Variants in DPP10 observed in about 807,000 individuals in gnomAD.
The protein encoded by DPP10 is dipeptidyl peptidase like 10, also known as inactive dipeptidyl peptidase 10.
Under a neutral mutation model 120.9 loss-of-function variants are expected in DPP10, and 33 were observed. The ratio of observed to expected loss-of-function variants is 0.27; its 90% confidence interval spans 0.21 to 0.37. DPP10 has a LOEUF of 0.37. DPP10 is among the 10% of genes least tolerant of loss of function. The probability of loss-of-function intolerance (pLI) is 1.00; values close to 1 mark genes in which losing one functional copy is unlikely to be tolerated. For missense variants in DPP10, 816 were observed against 942.8 expected, an observed-to-expected ratio of 0.87 and a Z score of 1.76; for synonymous variants, 337 against 326.1, an observed-to-expected ratio of 1.03 and a Z score of -0.36.
Position 115,734,583 on chromosome 2 carries a change from G to A in DPP10, c.698-5156G>A, listed in dbSNP as rs568562908. 1.0e-3 allele frequency among the ~76,000 whole-genome samples: 148 copies of A among 148,280 alleles called. 1 individual carries two copies. The highest frequency in any genetic ancestry group is 3.4e-3 in the African/African-American group (137 of 40,084). On this transcript the variant is annotated intron_variant, in intron 8 of 25. Transcript: ENST00000410059. ...AGGCAGGAAAATCACTTGAACCCTGGAGGCAGAGGTTGCAGTGAGCCGATA... is the reference window on the plus strand; with the variant it reads ...AGGCAGGAAAATCACTTGAACCCTGAAGGCAGAGGTTGCAGTGAGCCGATA...
At chr2:115,680,987 TTTG>T (rs1245406639) in intron 5 of DPP10, among the ~76,000 whole-genome samples, 8 of 151,952 alleles carry the variant, frequency 5.3e-5, no homozygotes, top group African/African-American at 1.7e-4. Context: ...GTCTAAATGA[TTTG>T]TTGTTGTTGT....
intron 1 of DPP10, among the ~76,000 whole-genome samples, chr2:115,274,683 A>G (rs977981328): frequency 2.6e-5 from 4 of 152,230 alleles, no homozygotes; most frequent in Admixed American, 6.5e-5. Context: ...AACTTTTTAA[A>G]TGAGAAAGTC....
chr2:115,383,438 T>C (rs2066583936), intron 3 of DPP10, among the ~76,000 whole-genome samples: 1 of 152,222 alleles, frequency 6.6e-6, no homozygotes, highest in South Asian at 2.1e-4. Flanking sequence ...CTCTTACTTT[T>C]GTAAATTGCC....
intron 1 of DPP10, among the ~76,000 whole-genome samples, chr2:115,024,446 A>G (rs1312349878): frequency 3.3e-5 from 5 of 151,962 alleles, no homozygotes; most frequent in South Asian, 4.1e-4. Flanking sequence ...CTTATAAACG[A>G]TAACCTTTTC....
chr2:115,177,913 G>A (rs1001785030), intron 1 of DPP10, among the ~76,000 whole-genome samples: 5 of 151,974 alleles, frequency 3.3e-5, no homozygotes, highest in African/African-American at 4.8e-5. Context: ...ACAGGTGCCC[G>A]CCACCACGCC....
At chr2:115,792,323 CAT>C (rs1684077564) in intron 19 of DPP10, among the ~76,000 whole-genome samples, 1 of 152,080 alleles carries the variant, frequency 6.6e-6, no homozygotes, top group African/African-American at 2.4e-5. Flanking sequence ...GTGCCTAACA[CAT>C]ATGATTCTTA....
intron 3 of DPP10, chr2:115,469,028 G>A: frequency 5.0e-6 from 1 of 199,256 alleles, no homozygotes; most frequent in South Asian, 8.5e-5. Flanking sequence ...TGGTGCGATA[G>A]CTGACTACAA....
At chr2:114,502,403 A>G (rs1683275641) in intron 1 of DPP10, among the ~76,000 whole-genome samples, 1 of 152,240 alleles carries the variant, frequency 6.6e-6, no homozygotes, top group African/African-American at 2.4e-5. Flanking sequence ...AGACTAGTTC[A>G]TGAACATATC....
At chr2:115,751,803 GT>G (rs5833628) in intron 10 of DPP10, among the ~76,000 whole-genome samples, 30 of 103,448 alleles carry the variant, frequency 2.9e-4, no homozygotes, top group Admixed American at 1.4e-3. Flanking sequence ...TTTTTTTGTT[GT>G]TTTTTTTTTT....
At chr2:114,606,629 A>C (rs1692828263) in intron 1 of DPP10, among the ~76,000 whole-genome samples, 1 of 152,184 alleles carries the variant, frequency 6.6e-6, no homozygotes, top group Non-Finnish European at 1.5e-5. Context: ...ATGCAATACC[A>C]TCTGGTGCCC....
intron 20 of DPP10, 103 bp from the exon 21 acceptor site, chr2:115,815,572 T>G (rs1687133310): frequency 1.0e-6 from 1 of 997,684 alleles, no homozygotes; most frequent in Non-Finnish European, 1.4e-6. Flanking sequence ...GTAAAGCATT[T>G]CTAGTCATTA....
chr2:114,453,325 C>A (rs1678388256), intron 1 of DPP10, among the ~76,000 whole-genome samples: 1 of 152,162 alleles, frequency 6.6e-6, no homozygotes, highest in African/African-American at 2.4e-5. Context: ...AGCAAAAGGG[C>A]AGGTAGAAAG....
chr2:115,169,286 G>T (rs2053132575), intron 1 of DPP10, among the ~76,000 whole-genome samples: 1 of 152,142 alleles, frequency 6.6e-6, no homozygotes, highest in South Asian at 2.1e-4. Context: ...GCTCAAGCTT[G>T]AAACCTAGTA....
intron 2 of DPP10, among the ~76,000 whole-genome samples, chr2:115,312,535 G>C (rs955229229): frequency 4.6e-5 from 7 of 152,010 alleles, no homozygotes; most frequent in Non-Finnish European, 8.8e-5. Context: ...TTTAACTTTT[G>C]GGGTGAGAAC....
At chr2:115,548,746 A>C (rs546536962) in intron 5 of DPP10, among the ~76,000 whole-genome samples, 1 of 151,864 alleles carries the variant, frequency 6.6e-6, no homozygotes, top group African/African-American at 2.4e-5. Flanking sequence ...ATATAAACAC[A>C]TGTGAAATTT....
intron 1 of DPP10, among the ~76,000 whole-genome samples, chr2:115,098,932 T>C (rs1369601328): frequency 6.6e-6 from 1 of 152,108 alleles, no homozygotes; most frequent in South Asian, 2.1e-4. Flanking sequence ...CCTTACCTGT[T>C]TCTCTTGTCC....
At chr2:114,644,282 C>G (rs1695945456) in intron 1 of DPP10, among the ~76,000 whole-genome samples, 1 of 150,894 alleles carries the variant, frequency 6.6e-6, no homozygotes, top group Non-Finnish European at 1.5e-5. Context: ...GACACAGATT[C>G]TTTTTGCCCA....
chr2:114,636,278 A>T (rs1449909573), intron 1 of DPP10, among the ~76,000 whole-genome samples: 2 of 152,036 alleles, frequency 1.3e-5, no homozygotes, highest in Non-Finnish European at 2.9e-5. Flanking sequence ...TATTAAAAAG[A>T]TGTGCAACAA....
At chr2:115,406,537 A>G (rs988987779) in intron 3 of DPP10, among the ~76,000 whole-genome samples, 4 of 152,204 alleles carry the variant, frequency 2.6e-5, no homozygotes, top group African/African-American at 9.6e-5. Flanking sequence ...TGCTGTCTAT[A>G]AGAGATGAGA....
Sources: gnomAD v4.1 joint callset for allele counts (sites outside exome capture counted in the v4.1 genomes callset) on GRCh38, gnomAD v4.1.1 for gene constraint, MANE v1.5 for transcripts, NCBI Gene and HGNC (gene_info 2026-07-23, HGNC 2026-07-21) for gene names.